RB1: variants seen among roughly 807,000 people sequenced by gnomAD.
RB1 encodes retinoblastoma-associated protein.
A neutral mutation model predicts 135.4 loss-of-function variants in RB1; 18 were observed. That is an observed-to-expected ratio of 0.13 (90% CI 0.09 to 0.20). RB1 has a LOEUF of 0.20. RB1 is among the 10% of genes least tolerant of loss of function. RB1 has a pLI of 1.00. For missense variants in RB1, 868 were observed against 1,110.0 expected (o/e 0.78, Z 3.10); for synonymous variants, 365 against 373.2 (o/e 0.98, Z 0.25).
chr13:48,433,655 T>C lies in RB1; in HGVS notation c.1696-19338T>C, dbSNP rs77148765. 0.012 allele frequency among the ~76,000 whole-genome samples: 1,738 copies of C among 148,874 alleles called. 65 individuals carry two copies. In the East Asian group the frequency reaches 0.12, roughly 10 times the overall value. On this transcript the variant is annotated intron_variant, in intron 17 of 26. Coordinates refer to ENST00000267163, the MANE Select transcript of RB1 (RefSeq NM_000321.3). ...TCTTGATAAAACTGTTCCACTGTTT[T>C]ATTTGTTTTACTGTTAACAAAAATG...
intron 17 of RB1, chr13:48,404,177 T>C (rs906500270): frequency 4.6e-5 from 7 of 152,006 alleles, no homozygotes; most frequent in Admixed American, 4.6e-4. Flanking sequence ...TTGTGTACAC[T>C]TACAGACACG....
At position 48,359,385 on chromosome 13, in the gene RB1, A is replaced by G. The variant is rs371053669; in HGVS notation, c.608-632A>G. ...GTAAGATTTTAGAGGGGTTGAAATT[A>G]AAAATATATAAGGTTTAGATATAAA... On this transcript the variant is annotated intron_variant, in intron 6 of 26. Coordinates refer to ENST00000267163, the MANE Select transcript of RB1 (RefSeq NM_000321.3). 6.6e-4 allele frequency among the ~76,000 whole-genome samples: 99 copies of G among 150,842 alleles called. 1 individual carries two copies. In the South Asian group the frequency reaches 0.021, roughly 31 times the overall value.
At chr13:48,400,999 C>T (rs1948687118) in intron 17 of RB1, among the ~76,000 whole-genome samples, 1 of 152,090 alleles carries the variant, frequency 6.6e-6, no homozygotes, top group Admixed American at 6.6e-5. Context: ...GAAAAGGCAT[C>T]ATGGGACTCC....
intron 18 of RB1, among the ~76,000 whole-genome samples, chr13:48,455,524 G>C (rs1392987230): frequency 6.6e-6 from 1 of 152,098 alleles, no homozygotes; most frequent in Admixed American, 6.5e-5. Flanking sequence ...TCCATAGTAA[G>C]GTACAAATTC....
At chr13:48,345,055 CT>C (rs377666789) in intron 3 of RB1, 24 bp from the exon 4 acceptor site, 5 of 1,601,776 alleles carry the variant, frequency 3.1e-6, no homozygotes, top group Non-Finnish European at 4.3e-6. Flanking sequence ...TACTGATTTA[CT>C]TTTTTCTATT....
chr13:48,461,669 T>A (rs192949310), intron 20 of RB1, among the ~76,000 whole-genome samples: 1 of 152,178 alleles, frequency 6.6e-6, no homozygotes, highest in Non-Finnish European at 1.5e-5. Context: ...CTTTTTTTTT[T>A]AATAATAGCC....
At chr13:48,336,564 A>T (rs1224295212) in intron 2 of RB1, among the ~76,000 whole-genome samples, 4 of 151,194 alleles carry the variant, frequency 2.6e-5, no homozygotes, top group South Asian at 2.1e-4. Context: ...CATCTATTTG[A>T]TTCTTCTCTC....
intron 1 of RB1, among the ~76,000 whole-genome samples, chr13:48,304,937 G>A (rs568551588): frequency 6.6e-6 from 1 of 151,956 alleles, no homozygotes; most frequent in South Asian, 2.1e-4. Flanking sequence ...GGAAATTTTC[G>A]TTTTCCCTTA....
chr13:48,449,640 T>C (rs1949313758), intron 17 of RB1, among the ~76,000 whole-genome samples: 1 of 152,110 alleles, frequency 6.6e-6, no homozygotes, highest in African/African-American at 2.4e-5. Context: ...CGCATTCCTA[T>C]AGTCCCAGCT....
chr13:48,456,415 T>C (rs1377119610), intron 19 of RB1, 66 bp downstream of exon 19: 22 of 1,576,768 alleles, frequency 1.4e-5, no homozygotes, highest in Non-Finnish European at 1.8e-5. Context: ...CAAATCATGT[T>C]TCTTCTACTT....
intron 22 of RB1, 46 bp from the exon 23 acceptor site, chr13:48,465,159 C>A (rs1444919518): frequency 6.2e-7 from 1 of 1,612,032 alleles, no homozygotes; most frequent in South Asian, 1.1e-5. Flanking sequence ...GTAATGGGTC[C>A]ACCAAAACAT....
At chr13:48,452,874 C>A in intron 17 of RB1, 119 bp from the exon 18 acceptor site, 2 of 1,387,980 alleles carry the variant, frequency 1.4e-6, no homozygotes, top group South Asian at 1.3e-5. Flanking sequence ...TTTTAAATTG[C>A]CACTGTCAAT....
chr13:48,408,806 T>A (rs1375893817), intron 17 of RB1: 2 of 152,208 alleles, frequency 1.3e-5, no homozygotes, highest in Admixed American at 1.3e-4. Flanking sequence ...TTTATGAACA[T>A]AGTAATAACA....
rs1949471292 is a variant in RB1 at position 48,471,626 on chromosome 13, A to T, written c.2490-1734A>T. ...CTTGGATGGGTTTACAGATTTAGTT[A>T]TCAGCTTTCCTGACTGTTAGGTATC... On this transcript the variant is annotated intron_variant, in intron 23 of 26. Transcript: ENST00000267163. Among the ~76,000 whole-genome samples, 6 of 151,118 alleles carry T rather than the reference A, an allele frequency of 4.0e-5. 1 individual carries two copies. In the South Asian group the frequency reaches 1.3e-3, roughly 32 times the overall value.
rs1015842066 is a variant in RB1 at position 48,480,611 on chromosome 13, T to A, written c.*540T>A. ...GATATTATTAGAAATTAGAAAAAAA[T>A]TACTAATTTTACACATTAGATTTTA... On this transcript the variant is annotated 3_prime_UTR_variant, in exon 27 of 27. Transcript: ENST00000267163. 8.8e-6 allele frequency: 2 copies of A among 226,390 alleles called. No homozygotes were observed. The highest frequency in any genetic ancestry group is 4.4e-5 in the African/African-American group (2 of 44,950). 14.0% of individuals were successfully genotyped at this position (226,390 alleles called of 1,614,324 possible).
Position 48,342,609 on chromosome 13 carries a change from T to G in RB1, c.275T>G (p.Ile92Ser). Residue 92 changes from isoleucine to serine, a missense_variant, in exon 3 of 27, where the codon ATT (isoleucine) becomes AGT (serine). Ile to Ser is a moderately radical substitution (Grantham distance 142). This residue lies in a region of RB1 where 641 missense variants were observed against 791.3 expected (regional missense o/e 0.81). Coordinates refer to ENST00000267163, the MANE Select transcript of RB1 (RefSeq NM_000321.3). ...SSVDGVLGGY[I>S]QKKKELWGIC... ...ATTTTTTGTTCCCAGGGAGGTTATATTCAAAAGAAAAAGGAACTGTGGGGA... is the reference window on the plus strand; with the variant it reads ...ATTTTTTGTTCCCAGGGAGGTTATAGTCAAAAGAAAAAGGAACTGTGGGGA... 1 of 1,602,368 alleles carries G rather than the reference T, an allele frequency of 6.2e-7. No homozygotes were observed. Among genetic ancestry groups the G allele is most frequent in the Non-Finnish European group, 8.5e-7 (1 of 1,169,752 alleles).
intron 14 of RB1, among the ~76,000 whole-genome samples, 184 bp downstream of exon 14, chr13:48,379,834 C>A (rs1211082431): frequency 2.0e-5 from 3 of 149,622 alleles, no homozygotes; most frequent in Non-Finnish European, 4.4e-5. Context: ...GTGGTGTAGA[C>A]CTGTAGTCCC....
chr13:48,365,920 C>T (rs4151494), intron 9 of RB1, among the ~76,000 whole-genome samples: 3,304 of 152,198 alleles, frequency 0.022, 56 homozygotes, highest in Non-Finnish European at 0.036. Flanking sequence ...AGGAGAGCTA[C>T]CTAATCCAAA....
intron 2 of RB1, chr13:48,328,450 T>C (rs1952306384): frequency 2.0e-6 from 2 of 1,017,414 alleles, no homozygotes; most frequent in Middle Eastern, 3.1e-4. Context: ...CAGCTTCTTC[T>C]TCAGCTGATC....
Sources: allele counts gnomAD v4.1 joint callset (sites outside exome capture counted in the v4.1 genomes callset), GRCh38; gene constraint gnomAD v4.1.1; regional missense constraint gnomAD v4.1.1; transcripts MANE v1.5; gene names NCBI Gene and HGNC (gene_info 2026-07-23, HGNC 2026-07-21).